TMEM161B: variants seen among roughly 807,000 people sequenced by gnomAD.
The protein encoded by TMEM161B is transmembrane protein 161B.
In TMEM161B, 34 loss-of-function variants were observed where a neutral mutation model predicts 61.8. That is an observed-to-expected ratio of 0.55 (90% CI 0.42 to 0.73). The LOEUF (loss-of-function observed/expected upper bound fraction) is 0.73, where lower values mean the gene tolerates loss of function less well. Ranked by LOEUF, TMEM161B falls within the 30% of genes least tolerant of loss-of-function variation. TMEM161B has a pLI of 0.00. For synonymous variants in TMEM161B, 167 were observed against 192.8 expected (o/e 0.87, Z 1.11); for missense variants, 456 against 558.5 (o/e 0.82, Z 1.85).
intron 5 of TMEM161B, among the ~76,000 whole-genome samples, chr5:88,216,680 T>TATATCATAGATTTTAAATGG (rs1747915066): frequency 6.6e-6 from 1 of 152,198 alleles, no homozygotes; most frequent in South Asian, 2.1e-4. Context: ...ACTGTCAAAT[T>TATATCATAGATTTTAAATGG]ATATCATAGA....
chr5:88,189,262 G>A (rs188660789), downstream of TMEM161B, among the ~76,000 whole-genome samples: 226 of 151,988 alleles, frequency 1.5e-3, no homozygotes, highest in Middle Eastern at 3.4e-3. Flanking sequence ...GTCAGTTGAA[G>A]TCCTTACTGT....
At chr5:88,212,280 C>T (rs1372363967) in intron 5 of TMEM161B, among the ~76,000 whole-genome samples, 1 of 152,056 alleles carries the variant, frequency 6.6e-6, no homozygotes, top group Admixed American at 6.5e-5. Context: ...TTACCTACCC[C>T]ACATTCATGC....
chr5:88,225,680 T>C (rs1580521810), intron 4 of TMEM161B, 89 bp downstream of exon 4: 1 of 791,230 alleles, frequency 1.3e-6, no homozygotes. Flanking sequence ...ATATTCTCTA[T>C]AATGGACTTA....
chr5:88,235,096 AAT>A (rs1455421691), intron 2 of TMEM161B, among the ~76,000 whole-genome samples: 1 of 152,204 alleles, frequency 6.6e-6, no homozygotes, highest in Non-Finnish European at 1.5e-5. Context: ...TCTAATATAA[AAT>A]ATTATCAGAC....
chr5:88,186,994 CTA>C (rs1260913416), downstream of TMEM161B, among the ~76,000 whole-genome samples: 7 of 152,190 alleles, frequency 4.6e-5, no homozygotes, highest in African/African-American at 1.7e-4. Flanking sequence ...AATTGCCAAA[CTA>C]TGTTGTAGCT....
chr5:88,202,705 G>T (rs1744651770), intron 9 of TMEM161B: 2 of 418,272 alleles, frequency 4.8e-6, no homozygotes, highest in Non-Finnish European at 8.5e-6. Flanking sequence ...ATGACGACTG[G>T]ACATAAAGAG....
At chr5:88,263,758 A>T (rs1456437686) in intron 1 of TMEM161B, among the ~76,000 whole-genome samples, 1 of 152,066 alleles carries the variant, frequency 6.6e-6, no homozygotes, top group Non-Finnish European at 1.5e-5. Flanking sequence ...AAAAGAACCA[A>T]TTTTTTTTAA....
At chr5:88,222,966 T>C (rs1749277758) in intron 4 of TMEM161B, among the ~76,000 whole-genome samples, 1 of 151,974 alleles carries the variant, frequency 6.6e-6, no homozygotes, top group Non-Finnish European at 1.5e-5. Flanking sequence ...CAAAAACTTA[T>C]AAACATATAT....
rs1561312850 is a variant in TMEM161B at position 88,203,809 on chromosome 5, AT to A, written c.801-735del. ...TATATATATATATATATATATATAT[AT>A]ATATAATTTGCATTACTCCTGACAA... On this transcript the variant is annotated intron_variant, in intron 8 of 11. Transcript: ENST00000296595. Among the ~76,000 whole-genome samples, 389 of 70,882 alleles carry A rather than the reference AT, an allele frequency of 5.5e-3. 57 individuals carry two copies. The highest frequency in any genetic ancestry group is 0.016 in the Middle Eastern group (2 of 124). 46.5% of individuals were successfully genotyped at this position (70,882 alleles called of 152,430 possible).
chr5:88,229,287 C>T (rs1393199472), intron 2 of TMEM161B, among the ~76,000 whole-genome samples: 1 of 152,166 alleles, frequency 6.6e-6, no homozygotes, highest in Non-Finnish European at 1.5e-5. Flanking sequence ...AATGTGCCCT[C>T]TCCACATGCT....
chr5:88,251,177 C>G (rs1436346237), intron 1 of TMEM161B: 1 of 152,062 alleles, frequency 6.6e-6, no homozygotes, highest in Admixed American at 6.6e-5. Flanking sequence ...TCCTCATATA[C>G]TGAGTCTGCC....
intron 5 of TMEM161B, among the ~76,000 whole-genome samples, chr5:88,211,745 TG>T (rs1340462805): frequency 7.0e-6 from 1 of 142,762 alleles, no homozygotes; most frequent in African/African-American, 2.6e-5. Context: ...CATGCCAGCC[TG>T]GTAACAGAGC....
chr5:88,187,477 C>T (rs1748417520), downstream of TMEM161B, among the ~76,000 whole-genome samples: 1 of 152,126 alleles, frequency 6.6e-6, no homozygotes, highest in Non-Finnish European at 1.5e-5. Context: ...ATATCATTTA[C>T]TTATGTCTAC....
chr5:88,260,124 A>T (rs1303860831), intron 1 of TMEM161B, among the ~76,000 whole-genome samples: 1 of 152,250 alleles, frequency 6.6e-6, no homozygotes, highest in Non-Finnish European at 1.5e-5. Flanking sequence ...CCTGGTAAAT[A>T]TTAAATGTAA....
At chr5:88,204,490 A>G (rs555514440) in intron 8 of TMEM161B, among the ~76,000 whole-genome samples, 27 of 152,324 alleles carry the variant, frequency 1.8e-4, no homozygotes, top group Admixed American at 5.9e-4. Context: ...GATGTGGGGA[A>G]GAAAGCAGCA....
intron 1 of TMEM161B, among the ~76,000 whole-genome samples, chr5:88,258,361 T>G (rs1416348851): frequency 6.6e-6 from 1 of 152,168 alleles, no homozygotes; most frequent in East Asian, 1.9e-4. Flanking sequence ...TAGTAATAAC[T>G]GATACAATGA....
intron 1 of TMEM161B, among the ~76,000 whole-genome samples, chr5:88,261,965 G>C (rs774139990): frequency 7.2e-5 from 11 of 152,136 alleles, no homozygotes; most frequent in Admixed American, 1.3e-4. Context: ...CTCTGTAAAA[G>C]ACAATGTCAA....
At chr5:88,227,946 A>G (rs1750332221) in intron 3 of TMEM161B, among the ~76,000 whole-genome samples, 1 of 152,342 alleles carries the variant, frequency 6.6e-6, no homozygotes, top group South Asian at 2.1e-4. Flanking sequence ...TGTGAGGTCA[A>G]TTAGTAGGTA....
intron 1 of TMEM161B, among the ~76,000 whole-genome samples, chr5:88,241,875 CCCA>C (rs1752803090): frequency 6.6e-6 from 1 of 151,768 alleles, no homozygotes; most frequent in African/African-American, 2.4e-5. Flanking sequence ...CCTCTCACTT[CCCA>C]CCAATAAGCT....
Sources: allele counts gnomAD v4.1 joint callset (sites outside exome capture counted in the v4.1 genomes callset), GRCh38; gene constraint gnomAD v4.1.1; transcripts MANE v1.5; gene names NCBI Gene and HGNC (gene_info 2026-07-23, HGNC 2026-07-21).